Variants in ECI1 observed in about 807,000 individuals in gnomAD.
ECI1 encodes enoyl-CoA delta isomerase 1, mitochondrial.
Under a neutral mutation model 34.2 loss-of-function variants are expected in ECI1, and 34 were observed. The ratio of observed to expected loss-of-function variants is 1.00; its 90% CI spans 0.76 to 1.33. The LOEUF (loss-of-function observed/expected upper bound fraction) is 1.33. ECI1 is among the 40% of genes most tolerant of loss of function. ECI1 has a pLI of 0.00. For missense variants in ECI1, 456 were observed against 422.2 expected (o/e 1.08, Z -0.70); for synonymous variants, 211 against 193.0 (o/e 1.09, Z -0.77).
Position 2,243,438 on chromosome 16 carries a change from C to A in ECI1, c.443G>T (p.Gly148Val). 6.2e-7 allele frequency: 1 copy of A among 1,612,652 alleles called. No homozygotes were observed. Residue 148 changes from glycine to valine, a missense_variant and splice_region_variant, in exon 5 of 7, where the codon GGA (glycine) becomes GTA (valine). Physicochemically the swap from Gly to Val is moderately radical, Grantham distance 109 (BLOSUM62 -3). Transcript: ENST00000301729. ...SNLVLVSAINGACPAGGCLVA... is the reference protein window; with the variant it reads ...SNLVLVSAINVACPAGGCLVA... Reference sequence around the variant, plus strand: ...CAGGCAGCCTCCAGCGGGGCAGGCTCCCTGCAGGGAGAGGCCGGACAGGGC... The same window carrying A: ...CAGGCAGCCTCCAGCGGGGCAGGCTACCTGCAGGGAGAGGCCGGACAGGGC...
At chr16:2,251,044 TC>T (rs1187212722) in intron 2 of ECI1, among the ~76,000 whole-genome samples, 3 of 152,192 alleles carry the variant, frequency 2.0e-5, no homozygotes, top group Non-Finnish European at 4.4e-5. Context: ...GATCTCGAAC[TC>T]CTGACCTCAG....
chr16:2,245,043 G>C (rs1320921258), intron 3 of ECI1, among the ~76,000 whole-genome samples: 1 of 152,194 alleles, frequency 6.6e-6, no homozygotes, highest in Non-Finnish European at 1.5e-5. Context: ...AAGGAAGGGC[G>C]AGGGGTGAGC....
chr16:2,243,823 C>T (rs2093533906), intron 4 of ECI1, among the ~76,000 whole-genome samples: 1 of 152,212 alleles, frequency 6.6e-6, no homozygotes, highest in South Asian at 2.1e-4. Context: ...CGATACCACC[C>T]CAGCAGCTAG....
At position 2,243,045 on chromosome 16, in the gene ECI1, C is replaced by G; in HGVS notation, c.742+1G>C. On this transcript the variant is annotated splice_donor_variant, in intron 6 of 6. Coordinates refer to ENST00000301729, the MANE Select transcript of ECI1 (RefSeq NM_001919.4). LOFTEE classifies it high-confidence loss of function. ...GGCGCCCGCCATGCCCCGTGCCTCACCTGGAATGGCCATCCACTGGGCTAT... is the reference window on the plus strand; with the variant it reads ...GGCGCCCGCCATGCCCCGTGCCTCAGCTGGAATGGCCATCCACTGGGCTAT... The G allele has an allele frequency of 6.2e-7, 1 of 1,601,930 alleles. No homozygotes were observed. Among genetic ancestry groups the G allele is most frequent in the Non-Finnish European group, 8.5e-7 (1 of 1,179,306 alleles).
chr16:2,247,564 A>C (rs2093543288), intron 2 of ECI1, among the ~76,000 whole-genome samples: 1 of 151,428 alleles, frequency 6.6e-6, no homozygotes, highest in Non-Finnish European at 1.5e-5. Context: ...CATCCAGCTA[A>C]TTTTGTATTT....
chr16:2,247,062 A>G (rs1397327907), intron 2 of ECI1, 76 bp from the exon 3 acceptor site: 7 of 1,528,636 alleles, frequency 4.6e-6, no homozygotes, highest in Non-Finnish European at 6.3e-6. Context: ...ACCCTCAACT[A>G]AGCCATGATA....
At chr16:2,250,030 AT>A (rs35761478) in intron 2 of ECI1, among the ~76,000 whole-genome samples, 51 of 143,072 alleles carry the variant, frequency 3.6e-4, no homozygotes, top group East Asian at 8.0e-4. Flanking sequence ...AAAAATAATA[AT>A]TTTTTTTTTT....
chr16:2,243,445 G>A lies in ECI1; in HGVS notation c.442-6C>T. On this transcript the variant is annotated splice_region_variant and splice_polypyrimidine_tract_variant and intron_variant, in intron 4 of 6. Transcript: ENST00000301729. ...CCTCCAGCGGGGCAGGCTCCCTGCAGGGAGAGGCCGGACAGGGCTCTTAGG... is the reference window on the plus strand; with the variant it reads ...CCTCCAGCGGGGCAGGCTCCCTGCAAGGAGAGGCCGGACAGGGCTCTTAGG... 6.2e-7 allele frequency: 1 copy of A among 1,611,948 alleles called. No individual in the cohort carries two copies. Among genetic ancestry groups the A allele is most frequent in the Non-Finnish European group, 8.5e-7 (1 of 1,179,976 alleles).
intron 3 of ECI1, among the ~76,000 whole-genome samples, chr16:2,246,651 C>T (rs978908964): frequency 6.6e-6 from 1 of 152,208 alleles, no homozygotes; most frequent in Non-Finnish European, 1.5e-5. Flanking sequence ...AGGCCCATGG[C>T]AGTTTGGGTC....
At chr16:2,247,117 GAC>G in intron 2 of ECI1, 131 bp from the exon 3 acceptor site, 2 of 1,200,484 alleles carry the variant, frequency 1.7e-6, no homozygotes, top group Middle Eastern at 2.4e-4. Context: ...TTTATTTAGA[GAC>G]AGAGTCTCGC....
intron 6 of ECI1, chr16:2,241,151 T>C (rs2093527282): frequency 3.3e-5 from 1 of 30,696 alleles, no homozygotes; most frequent in South Asian, 1.7e-3. Flanking sequence ...AGACTCCATC[T>C]CAAAAAAAAT....
chr16:2,251,281 C>T (rs1440536793), intron 2 of ECI1, 35 bp downstream of exon 2: 1 of 1,075,174 alleles, frequency 9.3e-7, no homozygotes, highest in Admixed American at 4.6e-5. Flanking sequence ...GGGTCCTGAC[C>T]CCACGCCCGC....
At chr16:2,249,107 G>A (rs759098217) in intron 2 of ECI1, among the ~76,000 whole-genome samples, 1 of 151,944 alleles carries the variant, frequency 6.6e-6, no homozygotes, top group Non-Finnish European at 1.5e-5. Flanking sequence ...GTGCAGTGGC[G>A]CGATCTCGGC....
At chr16:2,240,221 T>A (rs1234313752) in intron 6 of ECI1, 76 bp from the exon 7 acceptor site, 15 of 1,511,092 alleles carry the variant, frequency 9.9e-6, no homozygotes, top group East Asian at 4.8e-5. Flanking sequence ...TTTTTTATTT[T>A]TATTTTTTGA....
rs765368036 is a variant in ECI1 at position 2,244,400 on chromosome 16, A to G, written c.441+6T>C. 24 of 1,611,736 alleles carry G rather than the reference A, an allele frequency of 1.5e-5. No individual in the cohort carries two copies. In the Admixed American group the frequency reaches 3.7e-4, roughly 25 times the overall value. On this transcript the variant is annotated splice_donor_region_variant and intron_variant, in intron 4 of 6. Coordinates refer to ENST00000301729, the MANE Select transcript of ECI1 (RefSeq NM_001919.4). ...AGCGAGGCCACCTGGGAGTGGGGAC[A>G]CTCACGTTGATGGCGGAGACCAGCA...
Position 2,244,513 on chromosome 16 carries a change from C to T in ECI1, c.334G>A (p.Glu112Lys), listed in dbSNP as rs199757340. Residue 112 changes from glutamate to lysine, a missense_variant, in exon 4 of 7, where the codon GAG becomes AAG. Transcript: ENST00000301729. ...TGGGCGGGGCTCCTCCCACACATCT[C>T]CGTCAGGTCCAGGCCGGCCGAGAAG... ...GVFSAGLDLTEMCGRSPAHYA... is the reference protein window; with the variant it reads ...GVFSAGLDLTKMCGRSPAHYA... 13 of 1,602,392 alleles carry T rather than the reference C, an allele frequency of 8.1e-6. No individual in the cohort carries two copies. The East Asian group carries it at 2.9e-4, about 36-fold the overall frequency.
At chr16:2,243,267 T>C (rs781188257) in intron 5 of ECI1, 43 bp from the exon 6 acceptor site, 1 of 1,613,072 alleles carries the variant, frequency 6.2e-7, no homozygotes, top group Non-Finnish European at 8.5e-7. Flanking sequence ...CCCAGGCGGG[T>C]CTGTTCCCTC....
At chr16:2,249,538 C>T (rs2093547904) in intron 2 of ECI1, among the ~76,000 whole-genome samples, 1 of 151,918 alleles carries the variant, frequency 6.6e-6, no homozygotes, top group African/African-American at 2.4e-5. Flanking sequence ...CGTACAATGA[C>T]AATTTTTTTA....
chr16:2,247,522 C>T (rs959375140), intron 2 of ECI1, among the ~76,000 whole-genome samples: 3 of 152,086 alleles, frequency 2.0e-5, no homozygotes, highest in Non-Finnish European at 2.9e-5. Flanking sequence ...CTCAGCCTCC[C>T]GAGTAGCTAG....
Sources: gnomAD v4.1 joint callset for allele counts (sites outside exome capture counted in the v4.1 genomes callset) on GRCh38, gnomAD v4.1.1 for gene constraint, MANE v1.5 for transcripts, NCBI Gene and HGNC (gene_info 2026-07-23, HGNC 2026-07-21) for gene names.